Variants in ZNF182 observed in about 807,000 individuals in gnomAD.
ZNF182 encodes zinc finger protein 21 (KOX 14).
A neutral mutation model predicts 28.1 loss-of-function variants in ZNF182; 10 were observed. The ratio of observed to expected loss-of-function variants is 0.36; its 90% CI spans 0.22 to 0.60. The LOEUF (loss-of-function observed/expected upper bound fraction) is 0.60, where lower values mean the gene tolerates loss of function less well. Ranked by LOEUF, ZNF182 falls within the 20% of genes least tolerant of loss-of-function variation. The pLI is 0.75. For missense variants in ZNF182, 352 were observed against 453.2 expected (o/e 0.78, Z 2.03); for synonymous variants, 156 against 158.7 (o/e 0.98, Z 0.13).
Position 48,002,620 on chromosome X carries a change from TC to T in ZNF182, c.-12del. The stretch of plus-strand genomic sequence containing the variant: ...CTGGGGTTTGGCCATTTCCTGCTCT[TC>T]TTGGGAAAAAGCAGAGATGTGTGAC... On this transcript the variant is annotated 5_prime_UTR_variant, in exon 3 of 6. Transcript: ENST00000376943. The T allele has an allele frequency of 1.7e-6, 2 of 1,210,403 alleles. No individual in the cohort carries two copies. Among genetic ancestry groups the T allele is most frequent in the Admixed American group, 2.2e-5 (1 of 45,914 alleles).
intron 3 of ZNF182, 148 bp downstream of exon 3, chrX:48,002,447 T>C: frequency 1.2e-6 from 1 of 810,281 alleles, no homozygotes; most frequent in East Asian, 3.4e-5. Flanking sequence ...CACCTCTACA[T>C]TCTAATTTGG....
intron 3 of ZNF182, among the ~76,000 whole-genome samples, chrX:48,001,829 C>T (rs2058979313): frequency 9.0e-6 from 1 of 111,412 alleles, no homozygotes; most frequent in Admixed American, 9.6e-5. Flanking sequence ...ACAGAACAGA[C>T]CTACCGCTGC....
At chrX:47,988,383 T>C (rs1433485017) in intron 3 of ZNF182, 3 of 309,190 alleles carry the variant, frequency 9.7e-6, no homozygotes, top group Non-Finnish European at 1.7e-5. Context: ...GTAATGGGGA[T>C]GGATCCCTCA....
At chrX:47,984,044 T>C (rs2058915850) in intron 3 of ZNF182, among the ~76,000 whole-genome samples, 1 of 111,400 alleles carries the variant, frequency 9.0e-6, no homozygotes, top group Admixed American at 9.6e-5. Context: ...AGGGATAAGG[T>C]ATCGTATGTA....
chrX:48,000,222 T>C (rs1184761582), intron 3 of ZNF182, among the ~76,000 whole-genome samples: 3 of 111,425 alleles, frequency 2.7e-5, no homozygotes, highest in Non-Finnish European at 5.7e-5. Context: ...GAAATCCGTA[T>C]GCAAAATGAT....
chrX:47,989,497 T>G, intron 3 of ZNF182, among the ~76,000 whole-genome samples: 1 of 111,392 alleles, frequency 9.0e-6, no homozygotes, highest in Non-Finnish European at 1.9e-5. Context: ...ACTTACATTT[T>G]TTTCCTACCA....
chrX:48,003,362 A>C (rs1304355542), intron 2 of ZNF182, 146 bp downstream of exon 2: 2 of 112,471 alleles, frequency 1.8e-5, no homozygotes, highest in African/African-American at 3.2e-5. Context: ...TGCCAAAAAA[A>C]ACTACACTCT....
intron 5 of ZNF182, among the ~76,000 whole-genome samples, chrX:47,978,347 G>A (rs2058893394): frequency 9.0e-6 from 1 of 111,327 alleles, no homozygotes; most frequent in South Asian, 3.9e-4. Flanking sequence ...GGGATTACAA[G>A]TGTGAGCCAT....
At chrX:47,993,934 G>A (rs1179040454) in intron 3 of ZNF182, among the ~76,000 whole-genome samples, 1 of 111,523 alleles carries the variant, frequency 9.0e-6, no homozygotes, top group Non-Finnish European at 1.9e-5. Context: ...CATTCCAGAA[G>A]GAGATGAGGA....
At chrX:48,003,444 C>G (rs1423976167) in intron 2 of ZNF182, 64 bp downstream of exon 2, 2 of 112,727 alleles carry the variant, frequency 1.8e-5, no homozygotes, top group Non-Finnish European at 3.8e-5. Context: ...TCCCACGCCC[C>G]CAACTTGGGC....
At chrX:48,000,676 C>T (rs2058975892) in intron 3 of ZNF182, among the ~76,000 whole-genome samples, 1 of 112,155 alleles carries the variant, frequency 8.9e-6, no homozygotes, top group Non-Finnish European at 1.9e-5. Context: ...AGTTCTTAGA[C>T]ATGACACCAA....
Position 48,002,445 on chromosome X carries a change from C to T in ZNF182, c.15+150G>A, listed in dbSNP as rs782378977. 12 of 786,620 alleles carry T rather than the reference C, an allele frequency of 1.5e-5. No individual in the cohort carries two copies. The East Asian group carries it at 3.1e-4, about 20-fold the overall frequency. 64.8% of individuals were successfully genotyped at this position (786,620 alleles called of 1,213,427 possible). ...ACACCCTGAGTCCTGCACACCTCTA[C>T]ATTCTAATTTGGCCTTGATCTGTTG... On this transcript the variant is annotated intron_variant, in intron 3 of 5. Transcript: ENST00000376943.
chrX:47,989,726 T>A lies in ZNF182; in HGVS notation c.16-6315A>T, dbSNP rs5953137. Among the ~76,000 whole-genome samples the A allele has an allele frequency of 1.7e-3, 186 of 112,338 alleles. 1 individual carries two copies. Among genetic ancestry groups the A allele is most frequent in the African/African-American group, 5.7e-3 (176 of 30,977 alleles). On this transcript the variant is annotated intron_variant, in intron 3 of 5. Transcript: ENST00000376943. ...AGTGTAATTTAATGATATAGGAGAA[T>A]GTCCTTGCTCTTAAGAAATTGAGGA...
At chrX:47,982,781 C>G (rs1556899285) in intron 5 of ZNF182, among the ~76,000 whole-genome samples, 168 bp downstream of exon 5, 1 of 111,107 alleles carries the variant, frequency 9.0e-6, no homozygotes, top group Admixed American at 9.5e-5. Flanking sequence ...TGGGGGACAG[C>G]GGGAGTGTCA....
intron 2 of ZNF182, 67 bp from the exon 3 acceptor site, chrX:48,002,720 G>T (rs2058982770): frequency 1.3e-5 from 12 of 958,844 alleles, no homozygotes; most frequent in Admixed American, 2.6e-5. Flanking sequence ...CCCAGAATTA[G>T]CTGCCTAGCA....
intron 3 of ZNF182, among the ~76,000 whole-genome samples, chrX:48,000,290 G>A (rs981322626): frequency 9.1e-6 from 1 of 110,244 alleles, no homozygotes; most frequent in Non-Finnish European, 1.9e-5. Context: ...AGCCGGGCGC[G>A]GTGGCTCATG....
chrX:47,977,638 A>G lies in ZNF182; in HGVS notation c.392T>C (p.Leu131Pro). The G allele has an allele frequency of 7.4e-6, 9 of 1,210,839 alleles. No individual in the cohort carries two copies. The highest frequency in any genetic ancestry group is 7.8e-6 in the Non-Finnish European group (7 of 894,763). The change falls in exon 6 of 6, where the codon CTT becomes CCT. Residue 131 changes from leucine to proline, a missense_variant. Coordinates refer to ENST00000376943, the MANE Select transcript of ZNF182 (RefSeq NM_001007088.2). ...ATCGGGTCTTTGTATTGAAGCAACA[A>G]GGTTTGTACTCAGATGAAGTATGTT... ...FGNILHLSTNLVASIQRPDKH... is the reference protein window; with the variant it reads ...FGNILHLSTNPVASIQRPDKH...
chrX:47,986,480 G>A (rs1421381856), intron 3 of ZNF182, among the ~76,000 whole-genome samples: 4 of 112,276 alleles, frequency 3.6e-5, no homozygotes, highest in African/African-American at 9.7e-5. Flanking sequence ...AGTTGTACGA[G>A]GGATAGCTGT....
chrX:47,984,611 G>A lies in ZNF182; in HGVS notation c.16-1200C>T, dbSNP rs151201264. 8.4e-3 allele frequency among the ~76,000 whole-genome samples: 939 copies of A among 111,236 alleles called. 13 individuals are homozygous for A. Among genetic ancestry groups the A allele is most frequent in the African/African-American group, 0.03 (904 of 30,602 alleles). On this transcript the variant is annotated intron_variant, in intron 3 of 5. Transcript: ENST00000376943. ...TGAATGAACTGCATGTTGTGAAGCA[G>A]GTTCACCTGCTTCGAAACTCGAAGA...
Sources: allele counts gnomAD v4.1 joint callset (sites outside exome capture counted in the v4.1 genomes callset), GRCh38; gene constraint gnomAD v4.1.1; transcripts MANE v1.5; gene names NCBI Gene and HGNC (gene_info 2026-07-23, HGNC 2026-07-21).